The following KCNJ15 variants were observed in gnomAD, a reference collection of about 807,000 sequenced individuals.
KCNJ15 encodes potassium inwardly rectifying channel subfamily J member 15.
In KCNJ15, 14 loss-of-function variants were observed where a neutral mutation model predicts 23.0. That is an observed-to-expected ratio of 0.61 (90% CI 0.40 to 0.95). The LOEUF is 0.95. Among genes scored for constraint, KCNJ15 ranks in the 40% least tolerant of loss-of-function variants. KCNJ15 has a pLI of 0.00. For missense variants in KCNJ15, 388 were observed against 461.8 expected, an observed-to-expected ratio of 0.84 and a Z score of 1.46; for synonymous variants, 185 against 183.2, an observed-to-expected ratio of 1.01 and a Z score of -0.08.
chr21:38,294,592 A>G (rs896352777), intron 1 of KCNJ15, among the ~76,000 whole-genome samples: 2 of 152,200 alleles, frequency 1.3e-5, no homozygotes, highest in African/African-American at 4.8e-5. Context: ...CTGGCCTAAC[A>G]GAGCTCTAAG....
chr21:38,263,904 T>TAC (rs58793003), intron 1 of KCNJ15, among the ~76,000 whole-genome samples: 3,215 of 150,248 alleles, frequency 0.021, 83 homozygotes, highest in African/African-American at 0.055. Context: ...CAAAGATACA[T>TAC]ACACACACAC....
intron 1 of KCNJ15, among the ~76,000 whole-genome samples, chr21:38,259,128 G>T (rs1980605073): frequency 1.3e-5 from 2 of 152,274 alleles, no homozygotes; most frequent in Non-Finnish European, 2.9e-5. Flanking sequence ...GAGAGGCAAA[G>T]TTATTCGGAT....
rs2063936170 is a variant in KCNJ15 at position 38,306,687 on chromosome 21, A to G, written c.*6298A>G. The G allele has an allele frequency of 1.3e-5, 2 of 152,210 alleles. No homozygotes were observed. The allele number at this position is 152,210 out of a possible 1,614,324, so 9.4% of individuals were successfully genotyped here. On this transcript the variant is annotated 3_prime_UTR_variant, in exon 3 of 3. Coordinates refer to ENST00000398938, the MANE Select transcript of KCNJ15 (RefSeq NM_170736.3). ...AAGCTGTGTTTGTGTACTGACACGA[A>G]GTGTTACGTAGCAGCCAGGAGAGGA...
chr21:38,286,029 G>A (rs1003771463), intron 1 of KCNJ15, among the ~76,000 whole-genome samples: 1 of 152,128 alleles, frequency 6.6e-6, no homozygotes, highest in Admixed American at 6.5e-5. Flanking sequence ...GGATCACGAG[G>A]TCAGGAGATT....
intron 1 of KCNJ15, among the ~76,000 whole-genome samples, chr21:38,230,890 T>A (rs1345312657): frequency 6.6e-6 from 1 of 152,100 alleles, no homozygotes; most frequent in African/African-American, 2.4e-5. Context: ...AAGATTCTTT[T>A]GGCTACTCTA....
At chr21:38,242,411 C>T (rs1421934049) in intron 1 of KCNJ15, among the ~76,000 whole-genome samples, 1 of 152,062 alleles carries the variant, frequency 6.6e-6, no homozygotes, top group Non-Finnish European at 1.5e-5. Flanking sequence ...TGTGGAAACT[C>T]CGACCCCATG....
intron 1 of KCNJ15, among the ~76,000 whole-genome samples, chr21:38,247,773 T>C (rs1979548280): frequency 6.6e-6 from 1 of 152,244 alleles, no homozygotes. Context: ...GTGCCTAGGT[T>C]ACATGTTCTC....
chr21:38,270,591 T>G (rs79453875), intron 1 of KCNJ15, among the ~76,000 whole-genome samples: 2 of 152,246 alleles, frequency 1.3e-5, no homozygotes, highest in Admixed American at 6.5e-5. Flanking sequence ...GATCTGAGAT[T>G]TGAACCCAAG....
intron 1 of KCNJ15, among the ~76,000 whole-genome samples, chr21:38,290,698 A>G (rs6517459): frequency 0.77 from 117,321 of 151,914 alleles, 45,676 homozygotes; most frequent in African/African-American, 0.87. Flanking sequence ...CTGACGATGG[A>G]GATGCTGCGG....
In KCNJ15 at chr21:38,303,447, C is replaced by T. The variant is rs1390815830; in HGVS notation, c.*3058C>T. 2.6e-5 allele frequency: 4 copies of T among 152,058 alleles called. No homozygotes were observed. The highest frequency in any genetic ancestry group is 9.7e-5 in the African/African-American group (4 of 41,412). The allele number at this position is 152,058 out of a possible 1,614,324, so 9.4% of individuals were successfully genotyped here. ...AATCAGTGTGCCCCACAAGCCACGTCTTATTCAGCAATAAAATAGTGCTCA... is the reference window on the plus strand; with the variant it reads ...AATCAGTGTGCCCCACAAGCCACGTTTTATTCAGCAATAAAATAGTGCTCA... On this transcript the variant is annotated 3_prime_UTR_variant, in exon 3 of 3. Transcript: ENST00000398938.
At position 38,238,152 on chromosome 21, in the gene KCNJ15, C is replaced by T. The variant is rs546850955; in HGVS notation, c.-398-18894C>T. 43 of 391,820 alleles carry T rather than the reference C, an allele frequency of 1.1e-4. 1 individual carries two copies. Among genetic ancestry groups the T allele is most frequent in the East Asian group, 8.6e-4 (14 of 16,348 alleles). The allele number at this position is 391,820 out of a possible 1,614,324, so 24.3% of individuals were successfully genotyped here. ...CTCAGGGATGGCCACAAGTTCTACA[C>T]GGCCCTGCAGGACCTGAGTCTTTAG... On this transcript the variant is annotated intron_variant, in intron 1 of 4. Transcript: ENST00000547341.
intron 1 of KCNJ15, among the ~76,000 whole-genome samples, chr21:38,265,838 G>A (rs1981403927): frequency 6.6e-6 from 1 of 152,214 alleles, no homozygotes; most frequent in African/African-American, 2.4e-5. Flanking sequence ...AAGTTCCAGG[G>A]AAAGTCAGAG....
rs929430611 is a variant in KCNJ15, at chr21:38,306,860, A to T, written c.*6471A>T. ...AATGCTACTTAATGAAATTCATGGG[A>T]ATGTTATGGTGATGGAAATCCCAAA... On this transcript the variant is annotated 3_prime_UTR_variant, in exon 3 of 3. Coordinates refer to ENST00000398938, the MANE Select transcript of KCNJ15 (RefSeq NM_170736.3). The T allele has an allele frequency of 6.6e-6, 1 of 152,240 alleles. No individual in the cohort carries two copies. Among genetic ancestry groups the T allele is most frequent in the Non-Finnish European group, 1.5e-5 (1 of 68,048 alleles). The allele number at this position is 152,240 out of a possible 1,614,324, so 9.4% of individuals were successfully genotyped here.
chr21:38,230,740 A>T (rs1988709860), intron 1 of KCNJ15, among the ~76,000 whole-genome samples: 1 of 152,142 alleles, frequency 6.6e-6, no homozygotes, highest in Admixed American at 6.5e-5. Flanking sequence ...TATTGAAATT[A>T]AGTAGTTTAC....
chr21:38,241,438 C>T (rs1025825146), intron 1 of KCNJ15, among the ~76,000 whole-genome samples: 1 of 152,218 alleles, frequency 6.6e-6, no homozygotes, highest in African/African-American at 2.4e-5. Context: ...CTGCTGGACA[C>T]TCCCAGTCTG....
chr21:38,242,300 C>G (rs1979063857), intron 1 of KCNJ15, among the ~76,000 whole-genome samples: 2 of 152,150 alleles, frequency 1.3e-5, no homozygotes, highest in Non-Finnish European at 2.9e-5. Flanking sequence ...GAAGTTGATC[C>G]TAAATGCACG....
At chr21:38,245,700 G>A (rs1238035299) in intron 1 of KCNJ15, among the ~76,000 whole-genome samples, 1 of 151,438 alleles carries the variant, frequency 6.6e-6, no homozygotes, top group East Asian at 1.9e-4. Flanking sequence ...AAGAAAGAAG[G>A]AAAGGAAAGA....
chr21:38,254,876 C>T (rs2123590015), upstream of KCNJ15, among the ~76,000 whole-genome samples: 1 of 152,254 alleles, frequency 6.6e-6, no homozygotes, highest in South Asian at 2.1e-4. Flanking sequence ...TTAAGTAAAG[C>T]TTAGGCTGGA....
chr21:38,296,131 T>C (rs1569017306), intron 1 of KCNJ15, among the ~76,000 whole-genome samples: 1 of 152,134 alleles, frequency 6.6e-6, no homozygotes, highest in Non-Finnish European at 1.5e-5. Context: ...AATTGATAGG[T>C]AATAGATCAA....
Sources: gnomAD v4.1 joint callset for allele counts (sites outside exome capture counted in the v4.1 genomes callset) on GRCh38, gnomAD v4.1.1 for gene constraint, MANE v1.5 for transcripts, NCBI Gene and HGNC (gene_info 2026-07-23, HGNC 2026-07-21) for gene names.